UBE2F: variants seen among roughly 807,000 people sequenced by gnomAD.
UBE2F encodes the protein NEDD8-conjugating enzyme UBE2F.
Under a neutral mutation model 29.6 loss-of-function variants are expected in UBE2F, and 5 were observed. That is an observed-to-expected ratio of 0.17 (90% confidence interval 0.09 to 0.36). The LOEUF (loss-of-function observed/expected upper bound fraction) is 0.36. UBE2F is among the 10% of genes least tolerant of loss of function. The probability of loss-of-function intolerance (pLI) is 1.00; values close to 1 mark genes in which losing one functional copy is unlikely to be tolerated. For synonymous variants in UBE2F, 66 were observed against 81.8 expected (o/e 0.81, Z 1.04); for missense variants, 141 against 228.5 (o/e 0.62, Z 2.47).
At chr2:237,980,815 G>A (rs2063363870) in intron 2 of UBE2F, among the ~76,000 whole-genome samples, 1 of 152,200 alleles carries the variant, frequency 6.6e-6, no homozygotes, top group African/African-American at 2.4e-5. Context: ...AGATTACATG[G>A]CCCCTGCCCA....
Position 237,998,752 on chromosome 2 carries a change from C to A in UBE2F, c.214+3943C>A, listed in dbSNP as rs180914458. Among the ~76,000 whole-genome samples the A allele has an allele frequency of 2.0e-5, 3 of 152,108 alleles. No homozygotes were observed. In the East Asian group the frequency reaches 5.8e-4, roughly 29 times the overall value. ...AACTTTCCACTGTGGTTGTGCCATACCCTGACCAGCACTGTATGAGAAGTT... is the reference window on the plus strand; with the variant it reads ...AACTTTCCACTGTGGTTGTGCCATAACCTGACCAGCACTGTATGAGAAGTT... On this transcript the variant is annotated intron_variant, in intron 4 of 9. Coordinates refer to ENST00000272930, the MANE Select transcript of UBE2F (RefSeq NM_080678.3).
Position 238,012,592 on chromosome 2 carries a change from A to G in UBE2F, c.215-3974A>G, listed in dbSNP as rs144327871. On this transcript the variant is annotated intron_variant, in intron 4 of 9. Transcript: ENST00000272930. The stretch of plus-strand genomic sequence containing the variant: ...TTGGAGCTCCAGATTCAGCCCATTC[A>G]GTTTATCAAAACTATCTGCCATATA... Among the ~76,000 whole-genome samples the G allele has an allele frequency of 4.6e-5, 7 of 152,338 alleles. No homozygotes were observed. In the East Asian group the frequency reaches 1.3e-3, roughly 29 times the overall value.
At chr2:237,997,977 G>T (rs1356918937) in intron 4 of UBE2F, among the ~76,000 whole-genome samples, 18 of 152,226 alleles carry the variant, frequency 1.2e-4, no homozygotes, top group Admixed American at 1.1e-3. Flanking sequence ...TGTGAAGTTA[G>T]TGGGACAGTT....
At position 238,019,654 on chromosome 2, in the gene UBE2F, C is replaced by CT. The variant is rs375103007; in HGVS notation, c.282+3040dup. 1.6e-3 allele frequency among the ~76,000 whole-genome samples: 125 copies of CT among 78,016 alleles called. 4 individuals are homozygous for CT. The highest frequency in any genetic ancestry group is 2.5e-3 in the Admixed American group (13 of 5,132). 51.2% of individuals were successfully genotyped at this position (78,016 alleles called of 152,430 possible). A position where few individuals can be genotyped will look rare whatever the true frequency, so the allele number is the denominator to read the frequency against. ...GTGCTGGGGAGCCACTGTGCTCAGC[C>CT]TTTTTTTTTTTTTTTTTTTAATGAG... On this transcript the variant is annotated intron_variant, in intron 5 of 9. Coordinates refer to ENST00000272930, the MANE Select transcript of UBE2F (RefSeq NM_080678.3).
At chr2:238,015,915 G>A (rs34451292) in intron 4 of UBE2F, among the ~76,000 whole-genome samples, 55,367 of 151,952 alleles carry the variant, frequency 0.36, 10,306 homozygotes, top group East Asian at 0.51. Flanking sequence ...TGTGGGGGGC[G>A]GGGTAAAGAG....
intron 4 of UBE2F, among the ~76,000 whole-genome samples, chr2:238,012,771 G>T (rs1050587785): frequency 6.6e-6 from 1 of 152,176 alleles, no homozygotes; most frequent in Admixed American, 6.5e-5. Flanking sequence ...TGGTGCCCTA[G>T]GTGGAGGAAG....
At chr2:238,001,033 C>CTTTTTT (rs371184007) in intron 4 of UBE2F, among the ~76,000 whole-genome samples, 2 of 111,826 alleles carry the variant, frequency 1.8e-5, no homozygotes, top group Non-Finnish European at 1.7e-5. Flanking sequence ...AGAGTTTTGC[C>CTTTTTT]TTTTTTTTTT....
At chr2:237,974,514 TG>T (rs57367979) in intron 2 of UBE2F, among the ~76,000 whole-genome samples, 37,111 of 102,078 alleles carry the variant, frequency 0.36, 6,966 homozygotes, top group East Asian at 0.62. Flanking sequence ...TTTTTTTTTT[TG>T]TTTTTTTTTT....
chr2:237,995,981 TAGAA>T (rs2063683774), intron 4 of UBE2F, among the ~76,000 whole-genome samples: 1 of 152,226 alleles, frequency 6.6e-6, no homozygotes. Context: ...ACACCATCAT[TAGAA>T]AGCAGAGTGT....
At chr2:237,978,878 C>G (rs1218670892) in intron 2 of UBE2F, among the ~76,000 whole-genome samples, 1 of 152,176 alleles carries the variant, frequency 6.6e-6, no homozygotes, top group Admixed American at 6.5e-5. Flanking sequence ...GGTCTGAGTC[C>G]ATGGTGCTCC....
chr2:238,010,319 A>G (rs1036643249), intron 4 of UBE2F, among the ~76,000 whole-genome samples: 1 of 149,570 alleles, frequency 6.7e-6, no homozygotes, highest in Non-Finnish European at 1.5e-5. Context: ...GAATACAAGT[A>G]CCCGCCACTA....
At chr2:237,987,281 G>A (rs2063497799) in intron 2 of UBE2F, among the ~76,000 whole-genome samples, 1 of 152,090 alleles carries the variant, frequency 6.6e-6, no homozygotes, top group African/African-American at 2.4e-5. Flanking sequence ...GCAGTCTTTA[G>A]GGCTTTCTGC....
Position 237,987,932 on chromosome 2 carries a change from A to G in UBE2F, c.119-31A>G, listed in dbSNP as rs116351566. 1.2e-3 allele frequency: 1,545 copies of G among 1,292,924 alleles called. 20 individuals are homozygous for G. The African/African-American group carries it at 0.021, about 17-fold the overall frequency. The allele number at this position is 1,292,924 out of a possible 1,614,324, so 80.1% of individuals were successfully genotyped here. On this transcript the variant is annotated intron_variant, in intron 2 of 9. Coordinates refer to ENST00000272930, the MANE Select transcript of UBE2F (RefSeq NM_080678.3). ...GTGATTTTATGTGGAGTAATTGACT[A>G]ATATTAATAATAATTTCTTTGTTTC...
rs933742561 is a variant in UBE2F at position 237,967,415 on chromosome 2, G to T, written c.-17+283G>T. ...AGTGAGTGACCGCGGCGGCGGCGGC[G>T]GGGGACGGCCCGCGCCGAGCACCTG... On this transcript the variant is annotated intron_variant, in intron 1 of 9. Coordinates refer to ENST00000272930, the MANE Select transcript of UBE2F (RefSeq NM_080678.3). The surrounding 1 kb of genome is among the most constrained non-coding windows in gnomAD (Gnocchi z 6.3). 7.3e-5 allele frequency among the ~76,000 whole-genome samples: 11 copies of T among 151,450 alleles called. No homozygotes were observed. Among genetic ancestry groups the T allele is most frequent in the Non-Finnish European group, 1.5e-4 (10 of 67,744 alleles).
intron 4 of UBE2F, among the ~76,000 whole-genome samples, chr2:238,010,332 C>T (rs1378613363): frequency 1.3e-5 from 2 of 152,170 alleles, no homozygotes; most frequent in Admixed American, 1.3e-4. Context: ...CGCCACTATG[C>T]CCGACTGATT....
chr2:237,994,901 G>T (rs2063660188), intron 4 of UBE2F, 92 bp downstream of exon 4: 5 of 953,948 alleles, frequency 5.2e-6, no homozygotes, highest in Non-Finnish European at 8.4e-6. Flanking sequence ...TTGTCCTCTA[G>T]CTTTTAAAAG....
intron 4 of UBE2F, among the ~76,000 whole-genome samples, chr2:238,007,240 G>A (rs926788996): frequency 3.9e-5 from 6 of 152,096 alleles, no homozygotes; most frequent in African/African-American, 1.4e-4. Flanking sequence ...ATGTGCCTCA[G>A]CTTCCTAATT....
rs1226551661 is a variant in UBE2F, at chr2:237,994,799, A to C, written c.204A>C (p.Thr68=). ...DPNKLHCFQL[T]VTPDEGYYQG... Reference sequence around the variant, plus strand: ...ACAAGCTTCATTGTTTTCAGCTAACAGTAACCCCAGGTAATATTCTTACAT... The same window carrying C: ...ACAAGCTTCATTGTTTTCAGCTAACCGTAACCCCAGGTAATATTCTTACAT... The change falls in exon 4 of 10, where the codon ACA becomes ACC. Residue 68 remains threonine, a synonymous_variant. Transcript: ENST00000272930. The C allele has an allele frequency of 1.9e-6, 3 of 1,613,768 alleles. No individual in the cohort carries two copies. Among genetic ancestry groups the C allele is most frequent in the Non-Finnish European group, 2.5e-6 (3 of 1,179,752 alleles).
At chr2:238,013,494 C>CT (rs1224104316) in intron 4 of UBE2F, among the ~76,000 whole-genome samples, 2 of 138,836 alleles carry the variant, frequency 1.4e-5, no homozygotes, top group East Asian at 4.7e-4. Context: ...GGAGGTAGGC[C>CT]TTTTTTTGCA....
Sources: gnomAD v4.1 joint callset for allele counts (sites outside exome capture counted in the v4.1 genomes callset) on GRCh38, gnomAD v4.1.1 for gene constraint, Gnocchi (gnomAD v3.1) non-coding constraint, MANE v1.5 for transcripts, NCBI Gene and HGNC (gene_info 2026-07-23, HGNC 2026-07-21) for gene names.